MAN1A2: variants seen among roughly 807,000 people sequenced by gnomAD.
MAN1A2 encodes the protein mannosyl-oligosaccharide 1,2-alpha-mannosidase IB.
A neutral mutation model predicts 75.7 loss-of-function variants in MAN1A2; 26 were observed. The observed-to-expected ratio is 0.34, with a 90% CI of 0.25 to 0.48. MAN1A2 has a LOEUF of 0.48. Among genes scored for constraint, MAN1A2 ranks in the 20% least tolerant of loss-of-function variants. The pLI is 0.99. For missense variants in MAN1A2, 562 were observed against 775.5 expected, an observed-to-expected ratio of 0.72 and a Z score of 3.27; for synonymous variants, 247 against 264.6, an observed-to-expected ratio of 0.93 and a Z score of 0.65.
At chr1:117,458,430 C>T (rs1455366732) in intron 6 of MAN1A2, among the ~76,000 whole-genome samples, 1 of 141,736 alleles carries the variant, frequency 7.1e-6, no homozygotes, top group Non-Finnish European at 1.5e-5. Flanking sequence ...TCTCTAAACA[C>T]AAATAAAATA....
intron 12 of MAN1A2, among the ~76,000 whole-genome samples, chr1:117,512,275 A>G (rs1651560260): frequency 6.6e-6 from 1 of 152,080 alleles, no homozygotes; most frequent in Non-Finnish European, 1.5e-5. Flanking sequence ...TAAAGGAGAA[A>G]AGCAGAAACA....
rs1651938523 is a variant in MAN1A2, at chr1:117,523,963, A to T, written c.*1006A>T. On this transcript the variant is annotated 3_prime_UTR_variant, in exon 13 of 13. Coordinates refer to ENST00000356554, the MANE Select transcript of MAN1A2 (RefSeq NM_006699.5). ...ATAAGGCAGCTCTAAATTTGCCTTG[A>T]TAAGCTAAATAAATTACTTTTATAA... 1 of 152,258 alleles carries T rather than the reference A, an allele frequency of 6.6e-6. No individual in the cohort carries two copies. Among genetic ancestry groups the T allele is most frequent in the Admixed American group, 6.6e-5 (1 of 15,178 alleles). 9.4% of individuals were successfully genotyped at this position (152,258 alleles called of 1,614,324 possible).
chr1:117,494,751 AG>A (rs1311802632), intron 9 of MAN1A2: 1 of 152,022 alleles, frequency 6.6e-6, no homozygotes, highest in Non-Finnish European at 1.5e-5. Flanking sequence ...GTATGATCCA[AG>A]ATGGGTTATT....
intron 7 of MAN1A2, among the ~76,000 whole-genome samples, chr1:117,465,976 A>G (rs1466720672): frequency 2.6e-5 from 4 of 152,140 alleles, no homozygotes; most frequent in Non-Finnish European, 5.9e-5. Context: ...TTCTGTTCTT[A>G]TATTTGAATA....
intron 8 of MAN1A2, among the ~76,000 whole-genome samples, chr1:117,477,309 C>G (rs1650345272): frequency 6.6e-6 from 1 of 151,970 alleles, no homozygotes; most frequent in Non-Finnish European, 1.5e-5. Context: ...CACCCTGTTA[C>G]CAAAACCTGG....
rs974895524 is a variant in MAN1A2 at position 117,528,580 on chromosome 1, T to C, written c.*5623T>C. On this transcript the variant is annotated 3_prime_UTR_variant, in exon 13 of 13. Transcript: ENST00000356554. The stretch of plus-strand genomic sequence containing the variant: ...TAATAAAGATAAGCTCAGTTCTTCA[T>C]TGGGAAAAAATATTTTTAAAGAAAA... 6.6e-6 allele frequency: 1 copy of C among 152,110 alleles called. No homozygotes were observed. Among genetic ancestry groups the C allele is most frequent in the Non-Finnish European group, 1.5e-5 (1 of 67,992 alleles). 9.4% of individuals were successfully genotyped at this position (152,110 alleles called of 1,614,324 possible).
intron 1 of MAN1A2, among the ~76,000 whole-genome samples, chr1:117,396,698 G>C (rs1405344149): frequency 6.6e-6 from 1 of 152,090 alleles, no homozygotes; most frequent in African/African-American, 2.4e-5. Context: ...AAGAAATAAA[G>C]CACATTATTT....
intron 8 of MAN1A2, among the ~76,000 whole-genome samples, chr1:117,485,879 C>G (rs1479622824): frequency 2.0e-5 from 3 of 151,906 alleles, no homozygotes; most frequent in Non-Finnish European, 2.9e-5. Context: ...CAAAGCCTAC[C>G]AGTTAGCCCA....
chr1:117,381,584 G>A (rs375248679), intron 1 of MAN1A2, among the ~76,000 whole-genome samples: 19 of 151,710 alleles, frequency 1.3e-4, no homozygotes, highest in Non-Finnish European at 2.6e-4. Context: ...CCAGTCTATC[G>A]TTGTTGGACA....
In MAN1A2 at chr1:117,455,790, C is replaced by CT. The variant is rs1331125541; in HGVS notation, c.951-4687dup. 1.2e-3 allele frequency among the ~76,000 whole-genome samples: 180 copies of CT among 144,422 alleles called. 1 individual carries two copies. The highest frequency in any genetic ancestry group is 3.6e-3 in the Middle Eastern group (1 of 280). 94.7% of individuals were successfully genotyped at this position (144,422 alleles called of 152,430 possible). ...AAGAGGTAGAGGGCTTAGAGAGATA[C>CT]TTTTTTTTTTTTACTTTATGCTTTT... On this transcript the variant is annotated intron_variant, in intron 6 of 12. Coordinates refer to ENST00000356554, the MANE Select transcript of MAN1A2 (RefSeq NM_006699.5).
chr1:117,439,183 T>C (rs991045951), intron 5 of MAN1A2, among the ~76,000 whole-genome samples: 2 of 152,062 alleles, frequency 1.3e-5, no homozygotes, highest in Admixed American at 1.3e-4. Flanking sequence ...ACAGAGTGAA[T>C]GAAGGAGAGT....
chr1:117,458,560 G>C (rs1313422739), intron 6 of MAN1A2, among the ~76,000 whole-genome samples: 6 of 110,950 alleles, frequency 5.4e-5, no homozygotes, highest in Non-Finnish European at 8.9e-5. Flanking sequence ...TTTCGCTCTT[G>C]TTGCCCAAAC....
intron 12 of MAN1A2, 46 bp from the exon 13 acceptor site, chr1:117,522,778 CT>C (rs771069773): frequency 6.3e-7 from 1 of 1,574,864 alleles, no homozygotes; most frequent in Admixed American, 1.7e-5. Flanking sequence ...ACTTCATGTT[CT>C]TGTTGAATTC....
intron 1 of MAN1A2, among the ~76,000 whole-genome samples, chr1:117,378,962 T>A (rs926458534): frequency 6.6e-6 from 1 of 152,162 alleles, no homozygotes; most frequent in Non-Finnish European, 1.5e-5. Context: ...CATTTCCTCC[T>A]GTGAATACCT....
intron 5 of MAN1A2, among the ~76,000 whole-genome samples, chr1:117,440,157 C>A (rs1436251419): frequency 6.6e-6 from 1 of 152,120 alleles, no homozygotes; most frequent in Non-Finnish European, 1.5e-5. Context: ...GTTAAAGTAA[C>A]AAGTTCAGAA....
intron 1 of MAN1A2, among the ~76,000 whole-genome samples, chr1:117,385,121 A>G (rs1383359135): frequency 2.0e-5 from 3 of 152,182 alleles, no homozygotes; most frequent in Non-Finnish European, 2.9e-5. Context: ...AGAATTGAAT[A>G]GCCAGCAGCT....
At chr1:117,372,043 A>G (rs1652980743) in intron 1 of MAN1A2, among the ~76,000 whole-genome samples, 1 of 152,222 alleles carries the variant, frequency 6.6e-6, no homozygotes, top group African/African-American at 2.4e-5. Context: ...TTGTAGTTAA[A>G]TATTTTGGTT....
chr1:117,455,492 C>T (rs986950782), intron 6 of MAN1A2, among the ~76,000 whole-genome samples: 5 of 151,936 alleles, frequency 3.3e-5, no homozygotes, highest in African/African-American at 9.7e-5. Flanking sequence ...GTAAATTATA[C>T]GTCAGTATAT....
chr1:117,503,455 C>T (rs1180571210), intron 12 of MAN1A2, among the ~76,000 whole-genome samples: 1 of 151,356 alleles, frequency 6.6e-6, no homozygotes, highest in Non-Finnish European at 1.5e-5. Context: ...CCCGATGAGC[C>T]TTACTGTAAA....
Sources: allele counts gnomAD v4.1 joint callset (sites outside exome capture counted in the v4.1 genomes callset), GRCh38; gene constraint gnomAD v4.1.1; transcripts MANE v1.5; gene names NCBI Gene and HGNC (gene_info 2026-07-23, HGNC 2026-07-21).